The following NKAIN2 variants were observed in gnomAD, a reference collection of about 807,000 sequenced individuals.
NKAIN2 encodes sodium/potassium transporting ATPase interacting 2, also known as sodium/potassium-transporting ATPase subunit beta-1-interacting protein 2.
A neutral mutation model predicts 32.6 loss-of-function variants in NKAIN2; 14 were observed. The ratio of observed to expected loss-of-function variants is 0.43; its 90% confidence interval spans 0.28 to 0.67. The LOEUF (loss-of-function observed/expected upper bound fraction) is 0.67, where lower values mean the gene tolerates loss of function less well. Among genes scored for constraint, NKAIN2 ranks in the 30% least tolerant of loss-of-function variants. The pLI, the probability that NKAIN2 is intolerant of heterozygous loss-of-function variation, is 0.17. For missense variants in NKAIN2, 198 were observed against 258.3 expected (o/e 0.77, Z 1.60); for synonymous variants, 80 against 87.2 (o/e 0.92, Z 0.46).
intron 1 of NKAIN2, among the ~76,000 whole-genome samples, chr6:124,208,005 A>C (rs1582849015): frequency 6.6e-6 from 1 of 151,880 alleles, no homozygotes; most frequent in African/African-American, 2.4e-5. Context: ...CTTTTGAAGA[A>C]TGTACTTTAA....
At chr6:124,025,698 T>C (rs943383671) in intron 1 of NKAIN2, among the ~76,000 whole-genome samples, 1 of 152,228 alleles carries the variant, frequency 6.6e-6, no homozygotes, top group Admixed American at 6.5e-5. Context: ...CTTACCACAA[T>C]AGACGTAAGT....
At chr6:124,648,173 A>G (rs918074209) in intron 3 of NKAIN2, among the ~76,000 whole-genome samples, 1 of 152,212 alleles carries the variant, frequency 6.6e-6, no homozygotes, top group East Asian at 1.9e-4. Flanking sequence ...TTAAATGCTG[A>G]CATGAACCAG....
At chr6:124,189,463 G>T (rs1400255435) in intron 1 of NKAIN2, among the ~76,000 whole-genome samples, 1 of 152,146 alleles carries the variant, frequency 6.6e-6, no homozygotes, top group Admixed American at 6.5e-5. Context: ...CACTTTGGGA[G>T]GCCGAGGTGG....
intron 1 of NKAIN2, among the ~76,000 whole-genome samples, chr6:124,264,614 T>C (rs1246606675): frequency 6.6e-6 from 1 of 152,144 alleles, no homozygotes; most frequent in Non-Finnish European, 1.5e-5. Context: ...CTTAATTACA[T>C]TGTGGAATGT....
chr6:123,866,719 C>A (rs1024077498), intron 1 of NKAIN2, among the ~76,000 whole-genome samples: 2 of 152,134 alleles, frequency 1.3e-5, no homozygotes, highest in Admixed American at 1.3e-4. Flanking sequence ...CGTGAGCCAC[C>A]GCGCCCGGCC....
chr6:124,032,570 G>A (rs964379800), intron 1 of NKAIN2, among the ~76,000 whole-genome samples: 8 of 151,948 alleles, frequency 5.3e-5, no homozygotes, highest in Non-Finnish European at 1.0e-4. Context: ...ATAAAGGTAA[G>A]TAGACAAATA....
intron 1 of NKAIN2, among the ~76,000 whole-genome samples, chr6:123,971,986 C>T (rs1778365640): frequency 6.6e-6 from 1 of 152,132 alleles, no homozygotes; most frequent in Admixed American, 6.6e-5. Context: ...TCTGCCACCC[C>T]TGAAACAGTA....
chr6:124,411,528 G>C (rs961675733), intron 3 of NKAIN2, among the ~76,000 whole-genome samples: 1 of 152,242 alleles, frequency 6.6e-6, no homozygotes, highest in African/African-American at 2.4e-5. Flanking sequence ...CTTCTGGCTT[G>C]TAGAGTTTCT....
At chr6:124,577,548 G>T (rs750263114) in intron 3 of NKAIN2, among the ~76,000 whole-genome samples, 1 of 152,092 alleles carries the variant, frequency 6.6e-6, no homozygotes, top group Admixed American at 6.6e-5. Context: ...CTTCCCAGAC[G>T]TCAGAACCTG....
intron 3 of NKAIN2, among the ~76,000 whole-genome samples, chr6:124,416,971 T>C (rs150149672): frequency 7.9e-5 from 12 of 152,130 alleles, no homozygotes; most frequent in African/African-American, 2.7e-4. Flanking sequence ...CTTCCCCCAG[T>C]GGAGCAGTGT....
At chr6:124,513,892 T>A (rs916981404) in intron 3 of NKAIN2, among the ~76,000 whole-genome samples, 3 of 152,166 alleles carry the variant, frequency 2.0e-5, no homozygotes, top group Non-Finnish European at 4.4e-5. Context: ...TTGTCATGAA[T>A]AATTTAATAA....
chr6:124,241,215 A>G (rs1375644517), intron 1 of NKAIN2, among the ~76,000 whole-genome samples: 2 of 152,196 alleles, frequency 1.3e-5, no homozygotes, highest in South Asian at 2.1e-4. Context: ...AAGGAGAACT[A>G]TAAACCACTG....
At chr6:123,902,790 TAAAC>T (rs1016294572) in intron 1 of NKAIN2, among the ~76,000 whole-genome samples, 2 of 152,194 alleles carry the variant, frequency 1.3e-5, no homozygotes, top group African/African-American at 4.8e-5. Flanking sequence ...AAATACGTGA[TAAAC>T]AAAACCAACT....
chr6:124,027,372 C>T (rs1781159049), intron 1 of NKAIN2, among the ~76,000 whole-genome samples: 1 of 152,042 alleles, frequency 6.6e-6, no homozygotes, highest in Admixed American at 6.6e-5. Flanking sequence ...AACTCCTGAC[C>T]TCAGGTGATC....
At chr6:123,985,194 G>T (rs1779081095) in intron 1 of NKAIN2, among the ~76,000 whole-genome samples, 1 of 152,160 alleles carries the variant, frequency 6.6e-6, no homozygotes, top group South Asian at 2.1e-4. Context: ...GAGGTCAGGA[G>T]TTTGAGACCA....
rs375673838 is a variant in NKAIN2 at position 124,766,757 on chromosome 6, C to A, written c.475-24582C>A. ...CCTAAACTCTCTCTCTTTATGGAGT[C>A]TTCTCAATCCAAAGAATTATAACAG... On this transcript the variant is annotated intron_variant, in intron 4 of 6. Transcript: ENST00000368417. Among the ~76,000 whole-genome samples, 3 of 152,282 alleles carry A rather than the reference C, an allele frequency of 2.0e-5. No homozygotes were observed. In the East Asian group the frequency reaches 5.8e-4, roughly 29 times the overall value.
rs1422638598 is a variant in NKAIN2 at position 124,691,796 on chromosome 6, T to TC, written c.474+33412dup. On this transcript the variant is annotated intron_variant, in intron 4 of 6. Transcript: ENST00000368417. Reference sequence around the variant, plus strand: ...TGAGGCCCTCTCTCACACCACCTCCTCCTACAACACAGAATAAGCATAGCC... The same window carrying TC: ...TGAGGCCCTCTCTCACACCACCTCCTCCCTACAACACAGAATAAGCATAGCC... Among the ~76,000 whole-genome samples the TC allele has an allele frequency of 1.1e-4, 17 of 152,134 alleles. No individual in the cohort carries two copies. The East Asian group carries it at 3.1e-3, about 28-fold the overall frequency.
chr6:124,500,793 T>C (rs1474586421), intron 3 of NKAIN2, among the ~76,000 whole-genome samples: 2 of 152,056 alleles, frequency 1.3e-5, no homozygotes, highest in Non-Finnish European at 2.9e-5. Context: ...CAATAGTTAG[T>C]GAGACATGGA....
chr6:123,905,551 T>C (rs1039219510), intron 1 of NKAIN2, among the ~76,000 whole-genome samples: 4 of 152,158 alleles, frequency 2.6e-5, no homozygotes, highest in African/African-American at 9.7e-5. Flanking sequence ...ATAGTTAGTA[T>C]CTTTGCTCTC....
Sources: gnomAD v4.1 joint callset for allele counts (sites outside exome capture counted in the v4.1 genomes callset) on GRCh38, gnomAD v4.1.1 for gene constraint, MANE v1.5 for transcripts, NCBI Gene and HGNC (gene_info 2026-07-23, HGNC 2026-07-21) for gene names.